Variants in RANBP17 observed in about 807,000 individuals in gnomAD.
RANBP17 encodes the protein ran-binding protein 17.
Under a neutral mutation model 141.2 loss-of-function variants are expected in RANBP17, and 158 were observed. That is an observed-to-expected ratio of 1.12 (90% confidence interval 0.98 to 1.28). The LOEUF is 1.28. Among genes scored for constraint, RANBP17 ranks in the 50% most tolerant of loss-of-function variants. The pLI is 0.00. For missense variants in RANBP17, 1,438 were observed against 1,290.7 expected, an observed-to-expected ratio of 1.11 and a Z score of -1.75; for synonymous variants, 430 against 450.0, an observed-to-expected ratio of 0.96 and a Z score of 0.56.
chr5:171,149,782 A>G (rs879598074), intron 14 of RANBP17, among the ~76,000 whole-genome samples: 4 of 152,220 alleles, frequency 2.6e-5, no homozygotes, highest in Non-Finnish European at 5.9e-5. Flanking sequence ...AACGTGTCTT[A>G]CTTGTGAAGA....
chr5:171,277,669 T>TATATATA (rs1767604663), intron 25 of RANBP17, among the ~76,000 whole-genome samples: 1 of 31,066 alleles, frequency 3.2e-5, no homozygotes, highest in African/African-American at 9.0e-5. Flanking sequence ...ATATATATAT[T>TATATATA]TATGTCTTAC....
At chr5:171,078,221 C>T (rs1448252673) in intron 14 of RANBP17, among the ~76,000 whole-genome samples, 1 of 150,956 alleles carries the variant, frequency 6.6e-6, no homozygotes, top group African/African-American at 2.4e-5. Context: ...CAACCTCTGC[C>T]TCCTGGGTTC....
intron 11 of RANBP17, among the ~76,000 whole-genome samples, chr5:170,921,241 T>G (rs1180520619): frequency 6.6e-6 from 1 of 152,240 alleles, no homozygotes; most frequent in Non-Finnish European, 1.5e-5. Flanking sequence ...ATTTAAGTCT[T>G]TAATGTATCT....
chr5:171,147,384 T>G (rs1365081814), intron 14 of RANBP17, among the ~76,000 whole-genome samples: 3 of 136,644 alleles, frequency 2.2e-5, no homozygotes, highest in Non-Finnish European at 3.1e-5. Context: ...TGTGTGTGGT[T>G]GTTTGTTTTT....
At chr5:171,211,053 C>G (rs1762852921) in intron 20 of RANBP17, among the ~76,000 whole-genome samples, 1 of 148,846 alleles carries the variant, frequency 6.7e-6, no homozygotes, top group African/African-American at 2.5e-5. Flanking sequence ...ATCCCCAGCC[C>G]TTAGCATAGT....
At chr5:171,137,970 T>TATAC (rs1554103891) in intron 14 of RANBP17, among the ~76,000 whole-genome samples, 45 of 148,304 alleles carry the variant, frequency 3.0e-4, no homozygotes, top group African/African-American at 8.0e-4. Flanking sequence ...TATATATATA[T>TATAC]ACACACACAC....
intron 14 of RANBP17, among the ~76,000 whole-genome samples, chr5:171,102,687 G>T (rs1313252412): frequency 6.6e-6 from 1 of 151,878 alleles, no homozygotes; most frequent in African/African-American, 2.4e-5. Context: ...CAGGTTTTTG[G>T]CATTTTCAGC....
At chr5:171,214,330 A>G (rs968629521) in intron 21 of RANBP17, among the ~76,000 whole-genome samples, 1 of 152,202 alleles carries the variant, frequency 6.6e-6, no homozygotes, top group African/African-American at 2.4e-5. Flanking sequence ...TGACCTTATA[A>G]TTTGCATAGA....
At chr5:171,171,491 A>G (rs1457641683) in intron 16 of RANBP17, among the ~76,000 whole-genome samples, 1 of 152,044 alleles carries the variant, frequency 6.6e-6, no homozygotes, top group Non-Finnish European at 1.5e-5. Flanking sequence ...ATCACTGTTG[A>G]ATTTATATGG....
At chr5:171,228,276 A>G (rs2127987559) in intron 22 of RANBP17, among the ~76,000 whole-genome samples, 1 of 152,322 alleles carries the variant, frequency 6.6e-6, no homozygotes, top group East Asian at 1.9e-4. Flanking sequence ...GGGAGTTTGG[A>G]AGAAGTTGAT....
chr5:171,205,466 C>T lies in RANBP17; in HGVS notation c.2143-58C>T. 10 of 1,368,148 alleles carry T rather than the reference C, an allele frequency of 7.3e-6. No individual in the cohort carries two copies. The South Asian group carries it at 1.1e-4, about 15-fold the overall frequency. 84.8% of individuals were successfully genotyped at this position (1,368,148 alleles called of 1,614,324 possible). On this transcript the variant is annotated intron_variant, in intron 19 of 27. Coordinates refer to ENST00000523189, the MANE Select transcript of RANBP17 (RefSeq NM_022897.5). ...TGTGGTCATTATTGCCTGATTATTA[C>T]TCCATCTGCTCTGCGCTAACGTGAA...
At chr5:171,000,776 A>C (rs182534115) in intron 14 of RANBP17, among the ~76,000 whole-genome samples, 1 of 152,160 alleles carries the variant, frequency 6.6e-6, no homozygotes, top group African/African-American at 2.4e-5. Flanking sequence ...GGATCTCACA[A>C]AGTACATTCT....
intron 14 of RANBP17, among the ~76,000 whole-genome samples, chr5:171,024,695 G>A (rs1319933848): frequency 6.6e-6 from 1 of 151,910 alleles, no homozygotes; most frequent in African/African-American, 2.4e-5. Context: ...TCTAATCTCT[G>A]TAGCAACTTC....
rs532876697 is a variant in RANBP17, at chr5:170,862,451, C to G, written c.18+400C>G. The stretch of plus-strand genomic sequence containing the variant: ...CGCGGCTGCCGAGCGGTGGAGCAGC[C>G]TTCCCGCCTTCCCGCCGCGTCGCCG... On this transcript the variant is annotated intron_variant, in intron 1 of 27. Coordinates refer to ENST00000523189, the MANE Select transcript of RANBP17 (RefSeq NM_022897.5). 2.2e-3 allele frequency among the ~76,000 whole-genome samples: 332 copies of G among 152,342 alleles called. 1 individual carries two copies. Among genetic ancestry groups the G allele is most frequent in the African/African-American group, 7.4e-3 (308 of 41,594 alleles).
intron 14 of RANBP17, among the ~76,000 whole-genome samples, chr5:171,089,533 C>T (rs1432091583): frequency 6.6e-6 from 1 of 152,036 alleles, no homozygotes; most frequent in African/African-American, 2.4e-5. Flanking sequence ...CAAGCCTGGG[C>T]AATGGCGGGC....
intron 20 of RANBP17, among the ~76,000 whole-genome samples, chr5:171,211,811 C>T (rs1405782982): frequency 6.6e-6 from 1 of 151,948 alleles, no homozygotes; most frequent in Non-Finnish European, 1.5e-5. Context: ...GGAAGCATAC[C>T]ACTCTTAAAG....
chr5:170,903,103 G>A (rs1407072231), intron 5 of RANBP17, among the ~76,000 whole-genome samples: 5 of 152,174 alleles, frequency 3.3e-5, no homozygotes, highest in African/African-American at 7.2e-5. Flanking sequence ...GCCCACAGCC[G>A]CCCCTTCCCC....
intron 1 of RANBP17, among the ~76,000 whole-genome samples, chr5:170,869,699 C>G (rs570510425): frequency 7.5e-4 from 114 of 152,264 alleles, no homozygotes; most frequent in Non-Finnish European, 1.2e-3. Context: ...TATAGGAATA[C>G]CAGTCAGTGG....
At chr5:171,107,902 A>G (rs890963157) in intron 14 of RANBP17, among the ~76,000 whole-genome samples, 4 of 152,188 alleles carry the variant, frequency 2.6e-5, no homozygotes, top group African/African-American at 9.6e-5. Context: ...CTATGCTCCT[A>G]TAATACATGC....
Sources: allele counts gnomAD v4.1 joint callset (sites outside exome capture counted in the v4.1 genomes callset), GRCh38; gene constraint gnomAD v4.1.1; transcripts MANE v1.5; gene names NCBI Gene and HGNC (gene_info 2026-07-23, HGNC 2026-07-21).